The following MRPS35 variants were observed in gnomAD, a reference collection of about 807,000 sequenced individuals.
The protein encoded by MRPS35 is small ribosomal subunit protein mS35.
Under a neutral mutation model 32.7 loss-of-function variants are expected in MRPS35, and 29 were observed. The ratio of observed to expected loss-of-function variants is 0.89; its 90% CI spans 0.66 to 1.21. The LOEUF is 1.21. Ranked by LOEUF, MRPS35 falls within the 50% of genes most tolerant of loss-of-function variation. MRPS35 has a pLI of 0.00. For missense variants in MRPS35, 373 were observed against 383.8 expected, an observed-to-expected ratio of 0.97 and a Z score of 0.23; for synonymous variants, 148 against 139.3, an observed-to-expected ratio of 1.06 and a Z score of -0.44.
rs1565473508 is a variant in MRPS35, at chr12:27,755,350, A to G, written c.872A>G (p.Glu291Gly). 2 of 1,608,440 alleles carry G rather than the reference A, an allele frequency of 1.2e-6. No homozygotes were observed. The highest frequency in any genetic ancestry group is 2.2e-5 in the East Asian group (1 of 44,778). The change falls in exon 8 of 8, where the codon GAG (glutamate) becomes GGG (glycine). Residue 291 changes from glutamate (E) to glycine (G), a missense_variant. Glu to Gly is a moderately conservative substitution (Grantham distance 98). Coordinates refer to ENST00000081029, the MANE Select transcript of MRPS35 (RefSeq NM_021821.4). ...CTCCTTGGTACTAAAGAAATTGAAGAGTACAAAAAGTCTGTTGTTAGTCTT... is the reference window on the plus strand; with the variant it reads ...CTCCTTGGTACTAAAGAAATTGAAGGGTACAAAAAGTCTGTTGTTAGTCTT... ...EELLGTKEIE[E>G]YKKSVVSLKN...
rs765099151 is a variant in MRPS35 at position 27,724,181 on chromosome 12, TTAAGAG to T, written c.522+3_522+8del. 3.8e-6 allele frequency: 6 copies of T among 1,559,402 alleles called. No homozygotes were observed. The highest frequency in any genetic ancestry group is 2.3e-5 in the East Asian group (1 of 43,982). On this transcript the variant is annotated splice_donor_variant and coding_sequence_variant, in exon 5 of 8. Coordinates refer to ENST00000081029, the MANE Select transcript of MRPS35 (RefSeq NM_021821.4). LOFTEE classifies it high-confidence loss of function. ...GAACCCCAGAGCACGAGTAGTAGTCTTAAGAGTAAGAGTTTTTTTCATTTTTTTTTT... is the reference window on the plus strand; with the variant it reads ...GAACCCCAGAGCACGAGTAGTAGTCTTAAGAGTTTTTTTCATTTTTTTTTT...
At chr12:27,741,060 C>T (rs762973065) in intron 7 of MRPS35, among the ~76,000 whole-genome samples, 1 of 151,666 alleles carries the variant, frequency 6.6e-6, no homozygotes, top group African/African-American at 2.4e-5. Context: ...CCCAGCTACT[C>T]GGGAGACTGA....
chr12:27,738,877 A>G (rs769440864), intron 7 of MRPS35, among the ~76,000 whole-genome samples: 4 of 152,174 alleles, frequency 2.6e-5, no homozygotes, highest in South Asian at 2.1e-4. Flanking sequence ...GGTAGCGACA[A>G]TAGTAAGACA....
Position 27,755,323 on chromosome 12 carries a change from AG to A in MRPS35, c.846del (p.Glu282AspfsTer35). The A allele has an allele frequency of 6.2e-7, 1 of 1,612,492 alleles. No homozygotes were observed. Among genetic ancestry groups the A allele is most frequent in the Non-Finnish European group, 8.5e-7 (1 of 1,179,720 alleles). ...AEKNMEINKE[E>X]LLGTKEIEEY... is the part of the protein sequence containing the mutation. ...AAAAATATGGAAATAAATAAAGAAG[AG>A]CTCCTTGGTACTAAAGAAATTGAAG... On this transcript the variant is annotated frameshift_variant, in exon 8 of 8. Coordinates refer to ENST00000081029, the MANE Select transcript of MRPS35 (RefSeq NM_021821.4). LOFTEE classifies it low-confidence loss of function (END_TRUNC).
chr12:27,755,097 AG>A, intron 7 of MRPS35, 83 bp from the exon 8 acceptor site: 3 of 1,383,342 alleles, frequency 2.2e-6, no homozygotes, highest in East Asian at 2.4e-5. Flanking sequence ...AAAAAAAAAA[AG>A]AAGAAAGAAA....
At chr12:27,722,116 T>G (rs1263681457) in intron 4 of MRPS35, among the ~76,000 whole-genome samples, 1 of 152,224 alleles carries the variant, frequency 6.6e-6, no homozygotes, top group African/African-American at 2.4e-5. Context: ...AGTATTTAAA[T>G]GAGTGTCTTA....
At chr12:27,737,265 T>C (rs1392346961) in intron 6 of MRPS35, among the ~76,000 whole-genome samples, 3 of 152,226 alleles carry the variant, frequency 2.0e-5, no homozygotes, top group Admixed American at 2.0e-4. Flanking sequence ...GACACAATCC[T>C]AGTAAAAGTA....
rs1593469796 is a variant in MRPS35 at position 27,731,599 on chromosome 12, C to T, written c.523-3848C>T. ...ACTTTATTTTTTTGAGACAGGGTCT[C>T]GCTCTGTTGCCCAGGCTGGAGTCCA... On this transcript the variant is annotated intron_variant, in intron 5 of 7. Coordinates refer to ENST00000081029, the MANE Select transcript of MRPS35 (RefSeq NM_021821.4). Among the ~76,000 whole-genome samples the T allele has an allele frequency of 1.3e-5, 2 of 152,080 alleles. 1 individual carries two copies. The highest frequency in any genetic ancestry group is 4.1e-4 in the South Asian group (2 of 4,822).
chr12:27,721,627 G>C (rs1008517845), intron 4 of MRPS35, among the ~76,000 whole-genome samples: 2 of 152,140 alleles, frequency 1.3e-5, no homozygotes, highest in African/African-American at 4.8e-5. Flanking sequence ...TTGCACTCCA[G>C]CCGGGGTAAC....
intron 7 of MRPS35, among the ~76,000 whole-genome samples, chr12:27,750,758 T>C (rs943324422): frequency 2.0e-5 from 3 of 152,080 alleles, no homozygotes; most frequent in African/African-American, 7.2e-5. Flanking sequence ...TAAGCCAAGA[T>C]AGTGCCACTG....
At chr12:27,718,858 G>A (rs886135477) in intron 3 of MRPS35, among the ~76,000 whole-genome samples, 3 of 152,118 alleles carry the variant, frequency 2.0e-5, no homozygotes, top group South Asian at 2.1e-4. Context: ...ATACCAAGGC[G>A]GGCAGGTCAC....
At chr12:27,751,141 AAG>A (rs1381562746) in intron 7 of MRPS35, among the ~76,000 whole-genome samples, 15 of 151,444 alleles carry the variant, frequency 9.9e-5, no homozygotes, top group East Asian at 1.9e-4. Context: ...AGAAAAGAAA[AAG>A]GAAAAGAAAA....
intron 5 of MRPS35, among the ~76,000 whole-genome samples, chr12:27,727,434 TTG>T (rs2061904842): frequency 6.6e-6 from 1 of 152,158 alleles, no homozygotes; most frequent in Non-Finnish European, 1.5e-5. Context: ...TTTGTTACAG[TTG>T]TTACAGTATT....
intron 7 of MRPS35, among the ~76,000 whole-genome samples, chr12:27,753,429 CTTTCT>C (rs1223785583): frequency 3.9e-5 from 6 of 151,984 alleles, no homozygotes; most frequent in African/African-American, 1.2e-4. Context: ...ATCTCCAATG[CTTTCT>C]TTTCTTTTCA....
chr12:27,748,636 G>C (rs2061989390), intron 7 of MRPS35, among the ~76,000 whole-genome samples: 1 of 152,046 alleles, frequency 6.6e-6, no homozygotes, highest in Admixed American at 6.6e-5. Context: ...TGTTGTTTGT[G>C]CTTTAAAATT....
intron 1 of MRPS35, 27 bp downstream of exon 1, chr12:27,710,982 G>T (rs752031435): frequency 6.3e-6 from 10 of 1,597,738 alleles, no homozygotes; most frequent in Non-Finnish European, 7.7e-6. Context: ...TCTTCTCTGG[G>T]CTTTGGGGGA....
At chr12:27,748,277 T>C (rs1451873040) in intron 7 of MRPS35, among the ~76,000 whole-genome samples, 1 of 152,178 alleles carries the variant, frequency 6.6e-6, no homozygotes, top group Non-Finnish European at 1.5e-5. Context: ...ACACTATGCC[T>C]GGCAGAATAG....
chr12:27,720,329 G>A (rs1333453666), intron 4 of MRPS35, among the ~76,000 whole-genome samples: 2 of 151,734 alleles, frequency 1.3e-5, no homozygotes, highest in African/African-American at 2.4e-5. Flanking sequence ...AGGAGGTGGA[G>A]GTTGTGGTGA....
chr12:27,735,062 T>C (rs2061937610), intron 5 of MRPS35, among the ~76,000 whole-genome samples: 1 of 152,238 alleles, frequency 6.6e-6, no homozygotes, highest in Non-Finnish European at 1.5e-5. Flanking sequence ...AATTGCATGA[T>C]AGAAATTTCT....
Sources: allele counts gnomAD v4.1 joint callset (sites outside exome capture counted in the v4.1 genomes callset), GRCh38; gene constraint gnomAD v4.1.1; transcripts MANE v1.5; gene names NCBI Gene and HGNC (gene_info 2026-07-23, HGNC 2026-07-21).